AKNA: variants seen among roughly 807,000 people sequenced by gnomAD.
AKNA encodes AT-hook transcription factor, also known as microtubule organization protein AKNA.
AKNA carries 67 observed loss-of-function variants against 138.8 expected under a neutral mutation model. That is an observed-to-expected ratio of 0.48 (90% CI 0.40 to 0.59). The LOEUF is 0.59. Ranked by LOEUF, AKNA falls within the 20% of genes least tolerant of loss-of-function variation. The pLI is 0.00. For synonymous variants in AKNA, 737 were observed against 754.4 expected, an observed-to-expected ratio of 0.98 and a Z score of 0.38; for missense variants, 1,813 against 1,880.4, an observed-to-expected ratio of 0.96 and a Z score of 0.66.
chr9:114,380,981 CAA>C (rs34055519), intron 2 of AKNA, 77 bp downstream of exon 2: 78,520 of 1,054,196 alleles, frequency 0.074, no homozygotes, highest in South Asian at 0.091. Flanking sequence ...GACTCTGTCT[CAA>C]AAAAAAAAAA....
chr9:114,349,155 G>C (rs540837965), intron 15 of AKNA, among the ~76,000 whole-genome samples: 1 of 152,198 alleles, frequency 6.6e-6, no homozygotes, highest in African/African-American at 2.4e-5. Flanking sequence ...GAAATGGAGA[G>C]CTCCGCCTCC....
At chr9:114,385,712 C>A (rs1833982682) in intron 1 of AKNA, among the ~76,000 whole-genome samples, 1 of 152,212 alleles carries the variant, frequency 6.6e-6, no homozygotes, top group Non-Finnish European at 1.5e-5. Flanking sequence ...GCGCCTAAAC[C>A]AGTGAGCCTT....
intron 21 of AKNA, among the ~76,000 whole-genome samples, chr9:114,340,928 G>A (rs1051352343): frequency 6.6e-6 from 1 of 152,192 alleles, no homozygotes; most frequent in Non-Finnish European, 1.5e-5. Flanking sequence ...GATCGTGGAT[G>A]GGATCCTGGA....
At chr9:114,376,289 C>A (rs1012942700) in intron 3 of AKNA, 177 bp downstream of exon 3, 5 of 562,624 alleles carry the variant, frequency 8.9e-6, no homozygotes, top group Non-Finnish European at 1.6e-5. Flanking sequence ...CCAGCCTCCA[C>A]CCCAGGCCTC....
chr9:114,396,299 CCTTT>C (rs1340544796), upstream of AKNA, among the ~76,000 whole-genome samples: 1 of 152,154 alleles, frequency 6.6e-6, no homozygotes, highest in Non-Finnish European at 1.5e-5. Flanking sequence ...ATTATTCCTT[CCTTT>C]CTTTGAGCCT....
chr9:114,337,013 G>GGGCCCCCCCCCCCC lies in AKNA; in HGVS notation c.*40_*41insGGGGGGGGGGGGCC. On this transcript the variant is annotated 3_prime_UTR_variant, in exon 22 of 22. Coordinates refer to ENST00000374088, the MANE Select transcript of AKNA (RefSeq NM_001317950.2). ...CCACTCCTGGCCTGGCAGGCCACCT[G>GGGCCCCCCCCCCCC]CCCACCCACCCACCCATCTGCCTCT... 8.4e-7 allele frequency: 1 copy of GGGCCCCCCCCCCCC among 1,185,370 alleles called. No homozygotes were observed. 73.4% of individuals were successfully genotyped at this position (1,185,370 alleles called of 1,614,324 possible). A position where few individuals can be genotyped will look rare whatever the true frequency, so the allele number is the denominator to read the frequency against.
chr9:114,355,795 C>T (rs541918453), intron 14 of AKNA, 130 bp downstream of exon 14: 7 of 1,004,246 alleles, frequency 7.0e-6, no homozygotes, highest in South Asian at 3.5e-5. Flanking sequence ...CTTTTGTCCA[C>T]GTTATCTGTA....
At chr9:114,331,861 G>C (rs1168424280), downstream of AKNA, 1 of 1,613,740 alleles carries the variant, frequency 6.2e-7, no homozygotes, top group East Asian at 2.2e-5. Flanking sequence ...GCAACTGGGA[G>C]AGTTCTACGA....
At chr9:114,369,199 A>G (rs992050496) in intron 4 of AKNA, among the ~76,000 whole-genome samples, 1 of 152,242 alleles carries the variant, frequency 6.6e-6, no homozygotes, top group African/African-American at 2.4e-5. Context: ...GTGAGGGAGC[A>G]GTCTGGAGTC....
intron 21 of AKNA, among the ~76,000 whole-genome samples, chr9:114,339,581 G>C (rs1174487689): frequency 6.6e-6 from 1 of 152,230 alleles, no homozygotes; most frequent in Non-Finnish European, 1.5e-5. Context: ...CCTGAGCCTG[G>C]AAGAATGTGA....
chr9:114,395,760 A>G (rs1314266235), upstream of AKNA, among the ~76,000 whole-genome samples: 1 of 132,828 alleles, frequency 7.5e-6, no homozygotes, highest in Non-Finnish European at 1.6e-5. Context: ...AAAAAAAAAA[A>G]GTAAGAAAAA....
At chr9:114,396,217 C>T (rs10817600), upstream of AKNA, among the ~76,000 whole-genome samples, 63,231 of 152,056 alleles carry the variant, frequency 0.42, 14,206 homozygotes, top group Middle Eastern at 0.52. Flanking sequence ...CCTGGCACAG[C>T]GGCTAGAATG....
intron 18 of AKNA, 133 bp from the exon 19 acceptor site, chr9:114,343,936 C>G (rs763759994): frequency 1.3e-5 from 10 of 762,684 alleles, no homozygotes; most frequent in Non-Finnish European, 2.1e-5. Flanking sequence ...CGTGTGCACA[C>G]GGTGAGTGTG....
At chr9:114,367,780 C>T (rs1832472489) in intron 5 of AKNA, 83 bp from the exon 6 acceptor site, 1 of 1,428,884 alleles carries the variant, frequency 7.0e-7, no homozygotes, top group African/African-American at 1.4e-5. Context: ...TCAAAGCCAC[C>T]ACCTCCATCA....
Position 114,361,854 on chromosome 9 carries a change from G to A in AKNA, c.1974C>T (p.His658=). 1.2e-6 allele frequency: 2 copies of A among 1,611,054 alleles called. No homozygotes were observed. Among genetic ancestry groups the A allele is most frequent in the Non-Finnish European group, 1.7e-6 (2 of 1,179,988 alleles). The part of the protein sequence containing the change: ...LGSCLEELKE[H]IDQTQQEPEP... ...CAGGCTCTTGCTGGGTCTGGTCTAT[G>A]TGTTCCTTCAGCTCTTCCAGGCAGC... The change falls in exon 9 of 22, where the codon CAC becomes CAT. Residue 658 remains histidine (H), a synonymous_variant. Transcript: ENST00000374088.
chr9:114,349,312 T>C (rs1490744), intron 15 of AKNA, among the ~76,000 whole-genome samples: 87,851 of 152,090 alleles, frequency 0.58, 26,736 homozygotes, highest in African/African-American at 0.78. Context: ...CAAACTTACT[T>C]CCCTGTCTCT....
rs1250573636 is a variant in AKNA, at chr9:114,356,857, G to C, written c.2846+6C>G. 1 of 1,537,066 alleles carries C rather than the reference G, an allele frequency of 6.5e-7. No homozygotes were observed. Among genetic ancestry groups the C allele is most frequent in the East Asian group, 2.6e-5 (1 of 39,010 alleles). On this transcript the variant is annotated splice_donor_region_variant and intron_variant, in intron 13 of 21. Transcript: ENST00000374088. The stretch of plus-strand genomic sequence containing the variant: ...CTGACGGGACAATGGCGGGATCCCG[G>C]GATACCTGATGTGGGAGAGCCGGTG...
intron 1 of AKNA, among the ~76,000 whole-genome samples, chr9:114,385,935 C>A (rs903326692): frequency 4.6e-5 from 7 of 152,206 alleles, no homozygotes; most frequent in African/African-American, 1.2e-4. Flanking sequence ...TATAGCTGGG[C>A]TTGCATTTTC....
Position 114,358,018 on chromosome 9 carries a change from G to GT in AKNA, c.2641_2642insA (p.Ala881AspfsTer6). The GT allele has an allele frequency of 6.2e-7, 1 of 1,610,230 alleles. No homozygotes were observed. Among genetic ancestry groups the GT allele is most frequent in the Non-Finnish European group, 8.5e-7 (1 of 1,177,352 alleles). On this transcript the variant is annotated frameshift_variant, in exon 12 of 22. Coordinates refer to ENST00000374088, the MANE Select transcript of AKNA (RefSeq NM_001317950.2). LOFTEE classifies it high-confidence loss of function. ...GCTGGTCATACTACTTTGGTGGGATGCTGCGGACTTGGTGCCTGGAGGGTG... is the reference window on the plus strand; with the variant it reads ...GCTGGTCATACTACTTTGGTGGGATGTCTGCGGACTTGGTGCCTGGAGGGTG...
Sources: gnomAD v4.1 joint callset for allele counts (sites outside exome capture counted in the v4.1 genomes callset) on GRCh38, gnomAD v4.1.1 for gene constraint, MANE v1.5 for transcripts, NCBI Gene and HGNC (gene_info 2026-07-23, HGNC 2026-07-21) for gene names.